ADGRB3: variants seen among roughly 807,000 people sequenced by gnomAD.
ADGRB3 encodes brain-specific angiogenesis inhibitor 3.
A neutral mutation model predicts 193.4 loss-of-function variants in ADGRB3; 37 were observed. The ratio of observed to expected loss-of-function variants is 0.19; its 90% CI spans 0.15 to 0.25. The LOEUF (loss-of-function observed/expected upper bound fraction) is 0.25. ADGRB3 is among the 10% of genes least tolerant of loss of function. The pLI is 1.00. For synonymous variants in ADGRB3, 690 were observed against 644.2 expected (o/e 1.07, Z -1.08); for missense variants, 1,637 against 1,852.9 (o/e 0.88, Z 2.14).
chr6:68,856,333 T>G (rs775959819), intron 3 of ADGRB3, among the ~76,000 whole-genome samples: 4 of 152,098 alleles, frequency 2.6e-5, no homozygotes, highest in African/African-American at 4.8e-5. Flanking sequence ...GTTTGAACAG[T>G]TGGGAGGACT....
At chr6:68,695,518 TC>T (rs1259354799) in intron 3 of ADGRB3, among the ~76,000 whole-genome samples, 3 of 152,016 alleles carry the variant, frequency 2.0e-5, no homozygotes, top group Non-Finnish European at 4.4e-5. Flanking sequence ...GCTTTCTCAT[TC>T]CAAGATGGCG....
intron 3 of ADGRB3, among the ~76,000 whole-genome samples, chr6:68,860,675 T>C (rs1765126871): frequency 6.6e-6 from 1 of 152,224 alleles, no homozygotes; most frequent in Non-Finnish European, 1.5e-5. Context: ...TTTCATGACT[T>C]TGCTATTGTG....
chr6:69,127,184 T>A (rs778903898), intron 17 of ADGRB3, among the ~76,000 whole-genome samples: 11 of 152,178 alleles, frequency 7.2e-5, no homozygotes, highest in Non-Finnish European at 1.6e-4. Flanking sequence ...TGACTAAAAT[T>A]TTCCTGGTTG....
chr6:69,300,344 A>G (rs912557047), intron 20 of ADGRB3, among the ~76,000 whole-genome samples: 1 of 151,768 alleles, frequency 6.6e-6, no homozygotes, highest in Admixed American at 6.6e-5. Flanking sequence ...TGTATGAAAA[A>G]TTCACAGCCA....
chr6:69,144,745 C>T (rs1274044862), intron 17 of ADGRB3, among the ~76,000 whole-genome samples: 2 of 152,002 alleles, frequency 1.3e-5, no homozygotes, highest in Admixed American at 6.6e-5. Context: ...TCCTTACGTC[C>T]CCAGAAAAAA....
chr6:68,698,983 A>T (rs1404366498), intron 3 of ADGRB3, among the ~76,000 whole-genome samples: 1 of 152,082 alleles, frequency 6.6e-6, no homozygotes, highest in Non-Finnish European at 1.5e-5. Flanking sequence ...TTCAACACAG[A>T]TTTATCTAAC....
chr6:69,353,681 A>C (rs186495138), intron 26 of ADGRB3, among the ~76,000 whole-genome samples: 47 of 152,330 alleles, frequency 3.1e-4, no homozygotes, highest in African/African-American at 1.1e-3. Context: ...ATAGCTAAGG[A>C]GTTCCCAGCA....
At chr6:68,813,621 A>G (rs1181566237) in intron 3 of ADGRB3, among the ~76,000 whole-genome samples, 1 of 151,610 alleles carries the variant, frequency 6.6e-6, no homozygotes, top group Non-Finnish European at 1.5e-5. Flanking sequence ...TTTGTTACAT[A>G]TGTATACGTG....
intron 8 of ADGRB3, among the ~76,000 whole-genome samples, chr6:68,974,216 C>A (rs1768672575): frequency 6.6e-6 from 1 of 151,852 alleles, no homozygotes; most frequent in South Asian, 2.1e-4. Context: ...GTAGGCAAAT[C>A]CAAATGACCT....
intron 11 of ADGRB3, among the ~76,000 whole-genome samples, chr6:68,996,747 T>C (rs1453445631): frequency 6.6e-6 from 1 of 152,184 alleles, no homozygotes; most frequent in African/African-American, 2.4e-5. Flanking sequence ...TCATATCTTG[T>C]AGTATCAGCA....
At chr6:69,042,906 T>A (rs886197679) in intron 13 of ADGRB3, among the ~76,000 whole-genome samples, 1 of 152,210 alleles carries the variant, frequency 6.6e-6, no homozygotes, top group Non-Finnish European at 1.5e-5. Context: ...TAAAGTTATT[T>A]TGTATCCCCT....
At chr6:69,134,887 A>G (rs554754144) in intron 17 of ADGRB3, among the ~76,000 whole-genome samples, 220 of 152,184 alleles carry the variant, frequency 1.4e-3, no homozygotes, top group African/African-American at 5.1e-3. Flanking sequence ...CAACATCTCC[A>G]TAGAATACAG....
intron 3 of ADGRB3, among the ~76,000 whole-genome samples, chr6:68,807,351 A>G (rs1292184765): frequency 2.1e-5 from 3 of 141,980 alleles, no homozygotes; most frequent in African/African-American, 7.9e-5. Flanking sequence ...CCATTCTCCT[A>G]CCTCAGCCTC....
chr6:68,987,743 G>T (rs964285491), intron 10 of ADGRB3, among the ~76,000 whole-genome samples: 1 of 152,040 alleles, frequency 6.6e-6, no homozygotes, highest in Non-Finnish European at 1.5e-5. Context: ...CTGTAAATGT[G>T]AATCATTATG....
At chr6:68,891,711 A>G (rs1766081826) in intron 3 of ADGRB3, among the ~76,000 whole-genome samples, 1 of 152,180 alleles carries the variant, frequency 6.6e-6, no homozygotes, top group Non-Finnish European at 1.5e-5. Flanking sequence ...ACCCACCTTC[A>G]TAATAGCTCT....
intron 3 of ADGRB3, among the ~76,000 whole-genome samples, chr6:68,856,137 C>T (rs1221294923): frequency 1.3e-5 from 2 of 152,186 alleles, no homozygotes; most frequent in South Asian, 2.1e-4. Flanking sequence ...GAGGCTTCCC[C>T]AGCCACATGG....
At chr6:69,183,381 A>G (rs62406819) in intron 17 of ADGRB3, among the ~76,000 whole-genome samples, 21,465 of 152,074 alleles carry the variant, frequency 0.14, 1,572 homozygotes, top group Middle Eastern at 0.16. Flanking sequence ...TCTTTTTATA[A>G]GTAGTGAAGA....
chr6:69,364,182 A>G (rs546986433), intron 29 of ADGRB3, among the ~76,000 whole-genome samples: 61 of 152,168 alleles, frequency 4.0e-4, no homozygotes, highest in African/African-American at 1.4e-3. Flanking sequence ...TTTTACCTCC[A>G]GAGGAGTCAG....
rs1771796063 is a variant in ADGRB3, at chr6:69,063,044, C to A, written c.2436+8C>A. 1.3e-6 allele frequency: 2 copies of A among 1,593,876 alleles called. No individual in the cohort carries two copies. Among genetic ancestry groups the A allele is most frequent in the Non-Finnish European group, 1.7e-6 (2 of 1,162,526 alleles). ...CTAGCTCATTTGGCTAATGTAAGTA[C>A]CATCCACTGGGCACTGACTTGCTTA... On this transcript the variant is annotated splice_region_variant and intron_variant, in intron 16 of 31. Transcript: ENST00000370598.
Sources: gnomAD v4.1 joint callset for allele counts (sites outside exome capture counted in the v4.1 genomes callset) on GRCh38, gnomAD v4.1.1 for gene constraint, MANE v1.5 for transcripts, NCBI Gene and HGNC (gene_info 2026-07-23, HGNC 2026-07-21) for gene names.